The following CDK20 variants were observed in gnomAD, a reference collection of about 807,000 sequenced individuals.
CDK20 encodes cyclin dependent kinase 20.
Under a neutral mutation model 38.6 loss-of-function variants are expected in CDK20, and 40 were observed. The ratio of observed to expected loss-of-function variants is 1.04; its 90% CI spans 0.81 to 1.35. The LOEUF (loss-of-function observed/expected upper bound fraction) is 1.35. Among genes scored for constraint, CDK20 ranks in the 40% most tolerant of loss-of-function variants. The pLI, the probability that CDK20 is intolerant of heterozygous loss-of-function variation, is 0.00. For missense variants in CDK20, 512 were observed against 452.6 expected, an observed-to-expected ratio of 1.13 and a Z score of -1.19; for synonymous variants, 209 against 185.7, an observed-to-expected ratio of 1.13 and a Z score of -1.02.
intron 3 of CDK20, 61 bp downstream of exon 3, chr9:87,971,086 G>T: frequency 6.4e-7 from 1 of 1,565,318 alleles, no homozygotes; most frequent in Non-Finnish European, 8.7e-7. Context: ...ACAAGGGCTA[G>T]CCCCATCCCC....
rs912513806 is a variant in CDK20, at chr9:87,971,140, G to A, written c.378+7C>T. 4.3e-6 allele frequency: 7 copies of A among 1,612,522 alleles called. No individual in the cohort carries two copies. Among genetic ancestry groups the A allele is most frequent in the Non-Finnish European group, 5.9e-6 (7 of 1,178,898 alleles). On this transcript the variant is annotated splice_region_variant and intron_variant, in intron 3 of 7. Transcript: ENST00000325303. The stretch of plus-strand genomic sequence containing the variant: ...AGACCCCATGCCCGGCCTATGCTGA[G>A]ACTGACCCGATGTACAATGTTGTTG...
In CDK20 at chr9:87,969,312, AAGG is replaced by A. The variant is rs1199347515; in HGVS notation, c.722_724del (p.Ser241del). On this transcript the variant is annotated inframe_deletion, in exon 7 of 8. Transcript: ENST00000325303. Reference sequence around the variant, plus strand: ...CAGGGGCATGGGCACCTGCTCCTTAAAGGAGATCTTGTTGTAGTCCGGCAGCTC... The same window carrying A: ...CAGGGGCATGGGCACCTGCTCCTTAAAGATCTTGTTGTAGTCCGGCAGCTC... 3.1e-6 allele frequency: 5 copies of A among 1,613,984 alleles called. No homozygotes were observed. Among genetic ancestry groups the A allele is most frequent in the Non-Finnish European group, 4.2e-6 (5 of 1,179,966 alleles).
At chr9:87,972,669 C>T (rs1829945216) in intron 2 of CDK20, among the ~76,000 whole-genome samples, 1 of 152,296 alleles carries the variant, frequency 6.6e-6, no homozygotes, top group South Asian at 2.1e-4. Context: ...GGGAGGCTGC[C>T]ACTGTCATTC....
At chr9:87,974,136 G>C in intron 1 of CDK20, 101 bp from the exon 2 acceptor site, 2 of 1,579,390 alleles carry the variant, frequency 1.3e-6, no homozygotes, top group East Asian at 2.2e-5. Flanking sequence ...ACGCGCCCCC[G>C]GCTCGGCCAG....
At chr9:87,972,216 AAAAATC>A (rs1829912391) in intron 2 of CDK20, among the ~76,000 whole-genome samples, 1 of 152,138 alleles carries the variant, frequency 6.6e-6, no homozygotes, top group Non-Finnish European at 1.5e-5. Context: ...AAAAAAGAAA[AAAAATC>A]AACAGAACTA....
rs774811448 is a variant in CDK20 at position 87,970,924 on chromosome 9, C to A, written c.379-27G>T. 9 of 1,613,574 alleles carry A rather than the reference C, an allele frequency of 5.6e-6. No individual in the cohort carries two copies. The Admixed American group carries it at 1.5e-4, about 27-fold the overall frequency. ...TGGGAGTACCAAAAGAAGCATCAGTCCCTCCAAATCCCCCATAGGACCTTG... is the reference window on the plus strand; with the variant it reads ...TGGGAGTACCAAAAGAAGCATCAGTACCTCCAAATCCCCCATAGGACCTTG... On this transcript the variant is annotated intron_variant, in intron 3 of 7. Transcript: ENST00000325303.
intron 7 of CDK20, chr9:87,967,878 G>A (rs1204481128): frequency 2.0e-6 from 1 of 511,784 alleles, no homozygotes; most frequent in Non-Finnish European, 3.4e-6. Flanking sequence ...AGGGTGGGGG[G>A]TAATAAACAA....
At chr9:87,968,087 G>T in intron 7 of CDK20, 1 of 161,584 alleles carries the variant, frequency 6.2e-6, no homozygotes, top group Admixed American at 5.9e-5. Flanking sequence ...GGACAAAAGT[G>T]TACTGACCCC....
At position 87,966,484 on chromosome 9, in the gene CDK20, A is replaced by G. The variant is rs1291591109; in HGVS notation, c.*978T>C. ...AATCATACTCTTTATTATTATACAAACTTTTAAATATTGGTATCTGATACC... is the reference window on the plus strand; with the variant it reads ...AATCATACTCTTTATTATTATACAAGCTTTTAAATATTGGTATCTGATACC... On this transcript the variant is annotated 3_prime_UTR_variant, in exon 8 of 8. Transcript: ENST00000325303. 6.5e-6 allele frequency: 1 copy of G among 153,988 alleles called. No individual in the cohort carries two copies. Among genetic ancestry groups the G allele is most frequent in the African/African-American group, 2.4e-5 (1 of 41,434 alleles). The allele number at this position is 153,988 out of a possible 1,614,324, so 9.5% of individuals were successfully genotyped here.
At chr9:87,968,128 A>T in intron 7 of CDK20, 1 of 154,808 alleles carries the variant, frequency 6.5e-6, no homozygotes, top group Admixed American at 6.4e-5. Flanking sequence ...CACAGGGCAC[A>T]ACAGCAGGCA....
chr9:87,972,743 T>C (rs935750076), intron 2 of CDK20, among the ~76,000 whole-genome samples: 14 of 152,186 alleles, frequency 9.2e-5, no homozygotes, highest in Admixed American at 7.9e-4. Context: ...AGTTAGAACC[T>C]TCAGAATTGC....
In CDK20 at chr9:87,971,234, C is replaced by T. The variant is rs373501905; in HGVS notation, c.291G>A (p.Arg97=). The stretch of plus-strand genomic sequence containing the variant: ...TCTTGACCTGTGCCTGGGCTAGTGG[C>T]CTCTGGGCATGGCGCACCACCTCGG... ...DLAEVVRHAQ[R]PLAQAQVKSY... is the part of the protein sequence containing the mutation. The change falls in exon 3 of 8, where the codon AGG becomes AGA. Residue 97 remains arginine (R), a synonymous_variant. Coordinates refer to ENST00000325303, the MANE Select transcript of CDK20 (RefSeq NM_001039803.3). 6.2e-7 allele frequency: 1 copy of T among 1,614,164 alleles called. No homozygotes were observed.
At chr9:87,974,099 T>G (rs1587632128) in intron 1 of CDK20, 64 bp from the exon 2 acceptor site, 1 of 1,609,384 alleles carries the variant, frequency 6.2e-7, no homozygotes, top group Non-Finnish European at 8.5e-7. Flanking sequence ...TGAAGGTGGG[T>G]GAGGGGAAGG....
chr9:87,972,074 A>G (rs140260412), intron 2 of CDK20, among the ~76,000 whole-genome samples: 1 of 152,184 alleles, frequency 6.6e-6, no homozygotes, highest in African/African-American at 2.4e-5. Flanking sequence ...GCATGGTGAC[A>G]CGTGCCTGTA....
At chr9:87,969,529 T>C (rs1378397149) in intron 6 of CDK20, 180 bp from the exon 7 acceptor site, 1 of 790,886 alleles carries the variant, frequency 1.3e-6, no homozygotes, top group Non-Finnish European at 2.0e-6. Context: ...TCCATCCCCT[T>C]GCCCTCTCAG....
chr9:87,970,686 G>A, intron 4 of CDK20, 56 bp from the exon 5 acceptor site: 2 of 1,612,692 alleles, frequency 1.2e-6, no homozygotes, highest in Non-Finnish European at 1.7e-6. Flanking sequence ...CTGGGGAGGT[G>A]ACCCCAGCCC....
At position 87,974,356 on chromosome 9, in the gene CDK20, C is replaced by A; in HGVS notation, c.75+16G>T. On this transcript the variant is annotated intron_variant, in intron 1 of 7. Transcript: ENST00000325303. ...GGCACACCCCCGCCAGGCTGCCGGCCGCGGTCCAGCCTCACCTCCACGTGC... is the reference window on the plus strand; with the variant it reads ...GGCACACCCCCGCCAGGCTGCCGGCAGCGGTCCAGCCTCACCTCCACGTGC... 6.2e-7 allele frequency: 1 copy of A among 1,609,884 alleles called. No homozygotes were observed. Among genetic ancestry groups the A allele is most frequent in the Non-Finnish European group, 8.5e-7 (1 of 1,179,318 alleles).
rs1203119237 is a variant in CDK20, at chr9:87,970,904, G to A, written c.379-7C>T. ...GGTTGGCAGGTTTCAGGTCCTGGGAGTACCAAAAGAAGCATCAGTCCCTCC... is the reference window on the plus strand; with the variant it reads ...GGTTGGCAGGTTTCAGGTCCTGGGAATACCAAAAGAAGCATCAGTCCCTCC... On this transcript the variant is annotated splice_polypyrimidine_tract_variant and splice_region_variant and intron_variant, in intron 3 of 7. Coordinates refer to ENST00000325303, the MANE Select transcript of CDK20 (RefSeq NM_001039803.3). 2 of 1,614,090 alleles carry A rather than the reference G, an allele frequency of 1.2e-6. No individual in the cohort carries two copies. The highest frequency in any genetic ancestry group is 2.2e-5 in the East Asian group (1 of 44,850).
At position 87,974,353 on chromosome 9, in the gene CDK20, G is replaced by T. The variant is rs1343008095; in HGVS notation, c.75+19C>A. 1 of 1,608,986 alleles carries T rather than the reference G, an allele frequency of 6.2e-7. No individual in the cohort carries two copies. Among genetic ancestry groups the T allele is most frequent in the South Asian group, 1.1e-5 (1 of 90,992 alleles). On this transcript the variant is annotated intron_variant, in intron 1 of 7. Coordinates refer to ENST00000325303, the MANE Select transcript of CDK20 (RefSeq NM_001039803.3). ...GGGGGCACACCCCCGCCAGGCTGCC[G>T]GCCGCGGTCCAGCCTCACCTCCACG...
Sources: allele counts gnomAD v4.1 joint callset (sites outside exome capture counted in the v4.1 genomes callset), GRCh38; gene constraint gnomAD v4.1.1; transcripts MANE v1.5; gene names NCBI Gene and HGNC (gene_info 2026-07-23, HGNC 2026-07-21).